Variants in PTPRM observed in about 807,000 individuals in gnomAD.
PTPRM encodes receptor-type tyrosine-protein phosphatase mu.
Under a neutral mutation model 186.7 loss-of-function variants are expected in PTPRM, and 47 were observed. The observed-to-expected ratio is 0.25, with a 90% CI of 0.20 to 0.32. The LOEUF is 0.32. Among genes scored for constraint, PTPRM ranks in the 10% least tolerant of loss-of-function variants. The pLI is 1.00. For synonymous variants in PTPRM, 668 were observed against 674.9 expected, an observed-to-expected ratio of 0.99 and a Z score of 0.16; for missense variants, 1,494 against 1,865.0, an observed-to-expected ratio of 0.80 and a Z score of 3.66.
chr18:8,071,865 C>T (rs1019251345), intron 8 of PTPRM, among the ~76,000 whole-genome samples: 1 of 152,156 alleles, frequency 6.6e-6, no homozygotes, highest in African/African-American at 2.4e-5. Flanking sequence ...TTCATAAGAT[C>T]CTTAACTCTC....
intron 7 of PTPRM, among the ~76,000 whole-genome samples, chr18:8,056,955 A>G (rs1189479552): frequency 6.6e-6 from 1 of 152,066 alleles, no homozygotes; most frequent in East Asian, 1.9e-4. Flanking sequence ...AAACTCAGCT[A>G]TCTTTTCTGC....
At chr18:7,744,985 A>G (rs967827445) in intron 1 of PTPRM, among the ~76,000 whole-genome samples, 3 of 152,254 alleles carry the variant, frequency 2.0e-5, no homozygotes, top group East Asian at 3.9e-4. Context: ...GATGAAATCA[A>G]AGGAATAATA....
At chr18:8,266,601 T>G (rs1396560685) in intron 19 of PTPRM, among the ~76,000 whole-genome samples, 1 of 152,222 alleles carries the variant, frequency 6.6e-6, no homozygotes, top group African/African-American at 2.4e-5. Flanking sequence ...AGTACTTTTA[T>G]GTCCATGATT....
chr18:7,717,704 G>T (rs536592272), intron 1 of PTPRM, among the ~76,000 whole-genome samples: 2 of 152,348 alleles, frequency 1.3e-5, no homozygotes, highest in African/African-American at 4.8e-5. Flanking sequence ...TGGGGCTTCA[G>T]GAGTGGCAGG....
At chr18:8,266,732 A>ACCC (rs2094705285) in intron 19 of PTPRM, among the ~76,000 whole-genome samples, 1 of 152,058 alleles carries the variant, frequency 6.6e-6, no homozygotes, top group African/African-American at 2.4e-5. Flanking sequence ...ATATGGTGAA[A>ACCC]CCCCACCTCT....
chr18:8,361,845 T>C (rs1480248197), intron 23 of PTPRM, among the ~76,000 whole-genome samples: 5 of 152,244 alleles, frequency 3.3e-5, no homozygotes, highest in African/African-American at 9.6e-5. Flanking sequence ...TGTGTCATCA[T>C]TAAATGTTCA....
chr18:7,682,251 A>G (rs185306780), intron 1 of PTPRM, among the ~76,000 whole-genome samples: 214 of 152,332 alleles, frequency 1.4e-3, no homozygotes, highest in Non-Finnish European at 2.8e-3. Context: ...TACCCCACTA[A>G]GTATAAAATA....
At chr18:8,138,244 C>G (rs904072390) in intron 13 of PTPRM, among the ~76,000 whole-genome samples, 1 of 150,470 alleles carries the variant, frequency 6.6e-6, no homozygotes, top group Non-Finnish European at 1.5e-5. Context: ...TTCATCCTAA[C>G]TAGGAGGAGT....
intron 2 of PTPRM, among the ~76,000 whole-genome samples, chr18:7,875,051 C>T (rs1435340075): frequency 6.6e-6 from 1 of 151,980 alleles, no homozygotes; most frequent in Non-Finnish European, 1.5e-5. Context: ...AATAAGTTAG[C>T]TGGGCTTGGT....
chr18:8,235,587 AT>A (rs553001564), intron 14 of PTPRM, among the ~76,000 whole-genome samples: 4 of 146,684 alleles, frequency 2.7e-5, no homozygotes, highest in Admixed American at 1.4e-4. Context: ...TTCTGCACTA[AT>A]TTTTTTTTAT....
chr18:8,379,103 T>C, intron 27 of PTPRM, 64 bp from the exon 28 acceptor site: 1 of 1,402,026 alleles, frequency 7.1e-7, no homozygotes, highest in Non-Finnish European at 9.6e-7. Flanking sequence ...TTTCGAAAAC[T>C]GCACGTGAGA....
intron 2 of PTPRM, among the ~76,000 whole-genome samples, chr18:7,796,410 C>T (rs190399112): frequency 6.6e-6 from 1 of 152,300 alleles, no homozygotes; most frequent in Non-Finnish European, 1.5e-5. Flanking sequence ...AAACTTAGAC[C>T]ACATGGTTCA....
At chr18:8,403,870 T>C (rs553146797) in intron 32 of PTPRM, 3 of 152,372 alleles carry the variant, frequency 2.0e-5, no homozygotes, top group Non-Finnish European at 4.4e-5. Flanking sequence ...CATGCTTCAG[T>C]TCATCCACGT....
At chr18:7,874,266 C>CT (rs2048120385) in intron 2 of PTPRM, among the ~76,000 whole-genome samples, 1 of 152,042 alleles carries the variant, frequency 6.6e-6, no homozygotes, top group Admixed American at 6.6e-5. Context: ...CCTTTGAAAT[C>CT]TATTTTTTGA....
chr18:8,116,929 G>A (rs951188787), intron 13 of PTPRM, among the ~76,000 whole-genome samples: 3 of 151,980 alleles, frequency 2.0e-5, no homozygotes, highest in Admixed American at 6.6e-5. Flanking sequence ...GGGGAAAGAG[G>A]GACACATTTT....
Position 7,774,189 on chromosome 18 carries a change from T to C in PTPRM, c.114T>C (p.Tyr38=), listed in dbSNP as rs771614582. ...ATGAGCCGTATAGCACATGTGGATA[T>C]AGTCAATCTGAAGGTGATGACTTCA... is the stretch of plus-strand genomic sequence containing the variant. ...LFDEPYSTCG[Y]SQSEGDDFNW... The change falls in exon 2 of 33, where the codon TAT becomes TAC. Residue 38 remains tyrosine, a synonymous_variant. Coordinates refer to ENST00000580170, the MANE Select transcript of PTPRM (RefSeq NM_001105244.2). The C allele has an allele frequency of 1.2e-6, 2 of 1,612,570 alleles. No individual in the cohort carries two copies. The highest frequency in any genetic ancestry group is 1.7e-6 in the Non-Finnish European group (2 of 1,178,540).
intron 1 of PTPRM, among the ~76,000 whole-genome samples, chr18:7,571,769 C>G (rs1188159187): frequency 2.0e-5 from 3 of 152,134 alleles, no homozygotes; most frequent in Admixed American, 2.0e-4. Context: ...ATGTTAATTT[C>G]TTAGCTTTGG....
At chr18:7,734,469 T>G (rs765272160) in intron 1 of PTPRM, among the ~76,000 whole-genome samples, 2 of 152,234 alleles carry the variant, frequency 1.3e-5, no homozygotes, top group African/African-American at 4.8e-5. Context: ...ATTAAGTCCT[T>G]ACTAGTTTTG....
chr18:7,700,512 A>G (rs1326611784), intron 1 of PTPRM, among the ~76,000 whole-genome samples: 1 of 152,242 alleles, frequency 6.6e-6, no homozygotes, highest in Non-Finnish European at 1.5e-5. Context: ...TGTGCAATGC[A>G]TGGATTTGGA....
Sources: gnomAD v4.1 joint callset for allele counts (sites outside exome capture counted in the v4.1 genomes callset) on GRCh38, gnomAD v4.1.1 for gene constraint, MANE v1.5 for transcripts, NCBI Gene and HGNC (gene_info 2026-07-23, HGNC 2026-07-21) for gene names.